The following RPS24 variants were observed in gnomAD, a reference collection of about 807,000 sequenced individuals.
The protein encoded by RPS24 is small ribosomal subunit protein eS24.
For missense variants in RPS24, 100 were observed against 162.5 expected (o/e 0.62, Z 2.09); for synonymous variants, 72 against 55.6 (o/e 1.30, Z -1.31).
At chr10:78,051,046 C>T (rs762402401) in intron 4 of RPS24, among the ~76,000 whole-genome samples, 14 of 152,116 alleles carry the variant, frequency 9.2e-5, no homozygotes, top group Admixed American at 4.6e-4. Flanking sequence ...AAAAATTAGA[C>T]GGGCATGGTG....
At chr10:78,042,892 T>G (rs1300500523), downstream of RPS24, among the ~76,000 whole-genome samples, 4 of 152,200 alleles carry the variant, frequency 2.6e-5, no homozygotes, top group Non-Finnish European at 4.4e-5. Flanking sequence ...GGCAAGTTGC[T>G]TATTTTAGGC....
At chr10:78,046,429 G>A (rs1316147916) in intron 4 of RPS24, among the ~76,000 whole-genome samples, 1 of 143,544 alleles carries the variant, frequency 7.0e-6, no homozygotes, top group African/African-American at 2.7e-5. Flanking sequence ...CGCAATCTCA[G>A]CTCACTGCAA....
rs1162913058 is a variant in RPS24, at chr10:78,035,425, A to G, written c.69+8A>G. The G allele has an allele frequency of 1.2e-6, 2 of 1,613,840 alleles. No individual in the cohort carries two copies. ...CTTCAGAGGAAACAAATGGTAAGGA[A>G]GGGCACATCAATCTTTGCTTAATTG... On this transcript the variant is annotated splice_region_variant and intron_variant, in intron 2 of 5. Coordinates refer to ENST00000372360, the MANE Select transcript of RPS24 (RefSeq NM_033022.4).
chr10:78,042,793 C>A (rs1325819301), downstream of RPS24, among the ~76,000 whole-genome samples: 2 of 149,172 alleles, frequency 1.3e-5, no homozygotes, highest in African/African-American at 4.8e-5. Flanking sequence ...TTTAGCTTTT[C>A]CTAGCACCAC....
intron 1 of RPS24, among the ~76,000 whole-genome samples, chr10:78,035,061 A>G (rs145310614): frequency 9.8e-4 from 149 of 152,364 alleles, no homozygotes; most frequent in African/African-American, 3.5e-3. Context: ...AATTATCCAT[A>G]TGGAAATATC....
downstream of RPS24, among the ~76,000 whole-genome samples, chr10:78,045,421 C>T (rs932033136): frequency 1.3e-5 from 2 of 152,120 alleles, no homozygotes; most frequent in African/African-American, 2.4e-5. Context: ...CTATTTCCCT[C>T]CCTGTGTCTG....
intron 4 of RPS24, among the ~76,000 whole-genome samples, chr10:78,047,674 G>T (rs1848059502): frequency 6.6e-6 from 1 of 152,318 alleles, no homozygotes; most frequent in East Asian, 1.9e-4. Flanking sequence ...GTTCATATGT[G>T]CATGGTGATG....
chr10:78,045,054 C>T (rs1027446875), downstream of RPS24, among the ~76,000 whole-genome samples: 1 of 152,010 alleles, frequency 6.6e-6, no homozygotes, highest in African/African-American at 2.4e-5. Context: ...AATGGCACGA[C>T]CTCAGCTCAC....
chr10:78,036,069 TAGTC>T, intron 3 of RPS24: 1 of 349,220 alleles, frequency 2.9e-6, no homozygotes, highest in African/African-American at 2.1e-5. Context: ...AACCCATAGG[TAGTC>T]AGGAACCAGG....
At chr10:78,046,983 GT>G (rs1017380436) in intron 4 of RPS24, among the ~76,000 whole-genome samples, 21 of 146,000 alleles carry the variant, frequency 1.4e-4, no homozygotes, top group East Asian at 4.0e-4. Context: ...CAGGTAACCT[GT>G]TTTTTTTTTT....
chr10:78,046,396 G>T (rs539816638), intron 4 of RPS24, among the ~76,000 whole-genome samples: 3 of 132,756 alleles, frequency 2.3e-5, no homozygotes, highest in South Asian at 4.7e-4. Context: ...CACCCAGGCT[G>T]GAGCTCTGGA....
rs549870549 is a variant in RPS24 at position 78,034,061 on chromosome 10, C to G, written c.3+157C>G. Reference sequence around the variant, plus strand: ...TTGTCGAGGGGCTCGGGGCTGTTGGCAGGGCGTCCGGGCTGGCGGGCTGCG... The same window carrying G: ...TTGTCGAGGGGCTCGGGGCTGTTGGGAGGGCGTCCGGGCTGGCGGGCTGCG... On this transcript the variant is annotated intron_variant, in intron 1 of 5. Coordinates refer to ENST00000372360, the MANE Select transcript of RPS24 (RefSeq NM_033022.4). The G allele has an allele frequency of 7.5e-6, 7 of 935,032 alleles. No homozygotes were observed. In the African/African-American group the frequency reaches 1.1e-4, roughly 15 times the overall value. 57.9% of individuals were successfully genotyped at this position (935,032 alleles called of 1,614,324 possible).
At chr10:78,044,158 G>T (rs991233085), downstream of RPS24, among the ~76,000 whole-genome samples, 4 of 152,098 alleles carry the variant, frequency 2.6e-5, no homozygotes, top group Non-Finnish European at 5.9e-5. Flanking sequence ...TCCACTGGGG[G>T]TCTAAGAACG....
chr10:78,055,021 A>G (rs183560808), exon 5 of RPS24: 2 of 1,457,784 alleles, frequency 1.4e-6, no homozygotes, highest in Admixed American at 2.8e-5. Flanking sequence ...TGTCACTGCC[A>G]TGGCCGCCTT....
In RPS24 at chr10:78,054,622, G is replaced by GC; in HGVS notation, c.484dup (p.Arg162ProfsTer39). The GC allele has an allele frequency of 6.4e-7, 1 of 1,551,724 alleles. No homozygotes were observed. The highest frequency in any genetic ancestry group is 8.7e-7 in the Non-Finnish European group (1 of 1,146,988). ...GTGAAGAACTCGAAGGCAAGAGAAA[G>GC]CCGGGGGGTTGTGTGGCAGGTAGAA... On this transcript the variant is annotated frameshift_variant, in exon 5 of 5. Transcript: ENST00000440692. LOFTEE classifies it low-confidence loss of function (END_TRUNC).
intron 4 of RPS24, chr10:78,037,527 A>G: frequency 1.7e-6 from 1 of 603,286 alleles, no homozygotes; most frequent in African/African-American, 1.9e-5. Flanking sequence ...CTCACAGCAC[A>G]ATCTGGAGGC....
chr10:78,040,283 C>T (rs149363889), intron 5 of RPS24, 58 bp downstream of exon 5: 14 of 1,418,868 alleles, frequency 9.9e-6, no homozygotes, highest in South Asian at 8.0e-5. Flanking sequence ...GGTGTACTGA[C>T]GTAGCAATTT....
intron 4 of RPS24, among the ~76,000 whole-genome samples, chr10:78,050,547 A>G (rs1044553254): frequency 2.0e-5 from 3 of 152,222 alleles, no homozygotes; most frequent in African/African-American, 7.2e-5. Flanking sequence ...TCACCCTTGT[A>G]AAGTGTGCAA....
At position 78,047,418 on chromosome 10, in the gene RPS24, C is replaced by G. The variant is rs113033335; in HGVS notation, c.391-7113C>G. 3.5e-3 allele frequency among the ~76,000 whole-genome samples: 534 copies of G among 152,232 alleles called. 2 individuals carry two copies. The highest frequency in any genetic ancestry group is 0.012 in the African/African-American group (486 of 41,536). On this transcript the variant is annotated intron_variant, in intron 4 of 4. Coordinates refer to the RPS24 transcript ENST00000440692. ...GTAGACTGCCCCATCCCTGCCTTTT[C>G]ACTTGGTGAAATAAAGACGTGTGAT...
Sources: allele counts gnomAD v4.1 joint callset (sites outside exome capture counted in the v4.1 genomes callset), GRCh38; gene constraint gnomAD v4.1.1; transcripts MANE v1.5; gene names NCBI Gene and HGNC (gene_info 2026-07-23, HGNC 2026-07-21).